Variants in FAT3 observed in about 807,000 individuals in gnomAD.
The protein encoded by FAT3 is FAT atypical cadherin 3.
FAT3 carries 95 observed loss-of-function variants against 310.2 expected under a neutral mutation model. The observed-to-expected ratio is 0.31, with a 90% CI of 0.26 to 0.36. The LOEUF (loss-of-function observed/expected upper bound fraction) is 0.36, where lower values mean the gene tolerates loss of function less well. Ranked by LOEUF, FAT3 falls within the 10% of genes least tolerant of loss-of-function variation. The pLI, the probability that FAT3 is intolerant of heterozygous loss-of-function variation, is 1.00. For missense variants in FAT3, 5,408 were observed against 5,715.6 expected, an observed-to-expected ratio of 0.95 and a Z score of 1.74; for synonymous variants, 2,314 against 2,192.9, an observed-to-expected ratio of 1.06 and a Z score of -1.54.
At chr11:92,806,547 C>A (rs1947512093) in intron 12 of FAT3, 32 bp downstream of exon 12, 3 of 1,509,578 alleles carry the variant, frequency 2.0e-6, no homozygotes, top group South Asian at 1.2e-5. Flanking sequence ...AGATAAATGT[C>A]ATTGTTAATT....
chr11:92,855,527 A>G (rs1242482881), intron 19 of FAT3, among the ~76,000 whole-genome samples: 2 of 152,220 alleles, frequency 1.3e-5, no homozygotes, highest in Non-Finnish European at 1.5e-5. Flanking sequence ...TTGGCCCCAA[A>G]CAATTATTTG....
At chr11:92,458,540 C>G (rs1399693069) in intron 2 of FAT3, among the ~76,000 whole-genome samples, 1 of 152,110 alleles carries the variant, frequency 6.6e-6, no homozygotes, top group East Asian at 1.9e-4. Context: ...ACCCAGTGTT[C>G]TTATCTGCAC....
chr11:92,795,834 G>A (rs1947155954), intron 9 of FAT3, among the ~76,000 whole-genome samples: 2 of 152,118 alleles, frequency 1.3e-5, no homozygotes, highest in African/African-American at 4.8e-5. Context: ...CCTGAACCCA[G>A]GAGACAGAGG....
chr11:92,511,918 T>C (rs1402696430), intron 2 of FAT3, among the ~76,000 whole-genome samples: 1 of 152,194 alleles, frequency 6.6e-6, no homozygotes, highest in African/African-American at 2.4e-5. Flanking sequence ...AATAAAATCA[T>C]TGAATTTCCT....
chr11:92,621,544 T>C (rs1941088458), intron 3 of FAT3, among the ~76,000 whole-genome samples: 1 of 152,204 alleles, frequency 6.6e-6, no homozygotes, highest in African/African-American at 2.4e-5. Context: ...CTTCACTGTG[T>C]GATCTGGCTC....
At chr11:92,368,859 C>CAT (rs201552753) in intron 2 of FAT3, among the ~76,000 whole-genome samples, 1,636 of 119,080 alleles carry the variant, frequency 0.014, 63 homozygotes, top group African/African-American at 0.063. Flanking sequence ...CACACATACA[C>CAT]ATATATATAT....
Position 92,768,628 on chromosome 11 carries a change from C to G in FAT3, c.4195+3539C>G, listed in dbSNP as rs182175305. ...CCATGGAAACTCTCATCTCTCTGTTCCCTTCCTCCTTACGTAAGCATCTTT... is the reference window on the plus strand; with the variant it reads ...CCATGGAAACTCTCATCTCTCTGTTGCCTTCCTCCTTACGTAAGCATCTTT... On this transcript the variant is annotated intron_variant, in intron 6 of 27. Coordinates refer to ENST00000525166, the MANE Select transcript of FAT3 (RefSeq NM_001367949.2). 3.9e-4 allele frequency among the ~76,000 whole-genome samples: 60 copies of G among 152,302 alleles called. No homozygotes were observed. In the East Asian group the frequency reaches 0.011, roughly 27 times the overall value.
chr11:92,276,088 G>C (rs1298868752), intron 1 of FAT3, among the ~76,000 whole-genome samples: 1 of 152,134 alleles, frequency 6.6e-6, no homozygotes, highest in African/African-American at 2.4e-5. Context: ...CCAAATTGTA[G>C]TTCTTTGTGC....
chr11:92,686,799 G>A (rs1194308275), intron 3 of FAT3, among the ~76,000 whole-genome samples: 2 of 152,132 alleles, frequency 1.3e-5, no homozygotes, highest in African/African-American at 2.4e-5. Flanking sequence ...AAGCACACAT[G>A]CATTTTCAAG....
intron 3 of FAT3, among the ~76,000 whole-genome samples, chr11:92,633,935 A>G (rs1398887684): frequency 2.6e-5 from 4 of 152,206 alleles, no homozygotes; most frequent in Non-Finnish European, 4.4e-5. Flanking sequence ...AACTGTGCTA[A>G]GTGCTGTGGA....
At chr11:92,275,294 G>A (rs188375666) in intron 1 of FAT3, among the ~76,000 whole-genome samples, 28 of 152,144 alleles carry the variant, frequency 1.8e-4, no homozygotes, top group Middle Eastern at 6.8e-3. Flanking sequence ...TGTTGCCAGA[G>A]TAATTTCCCA....
At chr11:92,447,325 TC>T (rs1951243804) in intron 2 of FAT3, among the ~76,000 whole-genome samples, 1 of 151,788 alleles carries the variant, frequency 6.6e-6, no homozygotes, top group South Asian at 2.1e-4. Flanking sequence ...CACTTTTCAC[TC>T]CCTGAGTCAC....
rs1041952660 is a variant in FAT3, at chr11:92,894,566, G to A, written c.*3453G>A. 3 of 152,186 alleles carry A rather than the reference G, an allele frequency of 2.0e-5. No homozygotes were observed. The highest frequency in any genetic ancestry group is 2.9e-5 in the Non-Finnish European group (2 of 68,034). The allele number at this position is 152,186 out of a possible 1,614,324, so 9.4% of individuals were successfully genotyped here. A position where few individuals can be genotyped will look rare whatever the true frequency, so the allele number is the denominator to read the frequency against. ...ATTGCACACATTCTGGTTAGGTTGA[G>A]AATAGCTAGACTCTTGGTGCTCGTC... On this transcript the variant is annotated 3_prime_UTR_variant, in exon 28 of 28. Coordinates refer to ENST00000525166, the MANE Select transcript of FAT3 (RefSeq NM_001367949.2).
chr11:92,371,086 T>C (rs902448864), intron 2 of FAT3, among the ~76,000 whole-genome samples: 6 of 152,202 alleles, frequency 3.9e-5, no homozygotes, highest in Admixed American at 2.6e-4. Flanking sequence ...AGTGGAGATA[T>C]TGCAAAAGAT....
intron 2 of FAT3, among the ~76,000 whole-genome samples, chr11:92,459,634 A>C (rs1951585787): frequency 6.6e-6 from 1 of 152,152 alleles, no homozygotes; most frequent in African/African-American, 2.4e-5. Flanking sequence ...AAAGTATTGC[A>C]CAGATAATTT....
chr11:92,837,611 G>A, intron 16 of FAT3, 52 bp from the exon 17 acceptor site: 5 of 1,601,782 alleles, frequency 3.1e-6, no homozygotes, highest in Non-Finnish European at 4.3e-6. Flanking sequence ...TGTGTGCACA[G>A]AAGGAAGGAA....
At chr11:92,233,665 T>C (rs560129730) in intron 1 of FAT3, among the ~76,000 whole-genome samples, 1 of 152,220 alleles carries the variant, frequency 6.6e-6, no homozygotes, top group African/African-American at 2.4e-5. Flanking sequence ...ATGGGACTTA[T>C]ATTTATATTC....
intron 3 of FAT3, among the ~76,000 whole-genome samples, chr11:92,690,036 C>T (rs1053001764): frequency 9.8e-5 from 15 of 152,314 alleles, no homozygotes; most frequent in Non-Finnish European, 1.9e-4. Flanking sequence ...AGGGAAGTTG[C>T]CAGGTCTGTG....
intron 1 of FAT3, among the ~76,000 whole-genome samples, chr11:92,269,153 A>G (rs1246582741): frequency 6.6e-6 from 1 of 152,142 alleles, no homozygotes; most frequent in African/African-American, 2.4e-5. Flanking sequence ...CATTAGACTG[A>G]AGGTCAAAAG....
Sources: allele counts gnomAD v4.1 joint callset (sites outside exome capture counted in the v4.1 genomes callset), GRCh38; gene constraint gnomAD v4.1.1; transcripts MANE v1.5; gene names NCBI Gene and HGNC (gene_info 2026-07-23, HGNC 2026-07-21).